Variants in IMMP2L observed in about 807,000 individuals in gnomAD.
IMMP2L encodes mitochondrial inner membrane protease subunit 2.
IMMP2L carries 18 observed loss-of-function variants against 19.3 expected under a neutral mutation model. That is an observed-to-expected ratio of 0.93 (90% CI 0.64 to 1.38). The LOEUF is 1.38. IMMP2L is among the 40% of genes most tolerant of loss of function. IMMP2L has a pLI of 0.00. For synonymous variants in IMMP2L, 76 were observed against 73.0 expected, an observed-to-expected ratio of 1.04 and a Z score of -0.21; for missense variants, 233 against 218.2, an observed-to-expected ratio of 1.07 and a Z score of -0.43.
chr7:111,554,772 C>T (rs950404678), intron 1 of IMMP2L, among the ~76,000 whole-genome samples: 9 of 152,006 alleles, frequency 5.9e-5, no homozygotes, highest in Non-Finnish European at 1.3e-4. Context: ...TGCCAGCATG[C>T]CTGACTAATT....
At chr7:111,372,162 T>C (rs1008960083) in intron 3 of IMMP2L, among the ~76,000 whole-genome samples, 1 of 151,854 alleles carries the variant, frequency 6.6e-6, no homozygotes, top group Non-Finnish European at 1.5e-5. Flanking sequence ...AAAGGACAAA[T>C]GCTTGAGGAA....
chr7:110,738,047 A>C (rs1285957523), intron 5 of IMMP2L, among the ~76,000 whole-genome samples: 1 of 152,144 alleles, frequency 6.6e-6, no homozygotes, highest in East Asian at 1.9e-4. Context: ...TGGGACAAAA[A>C]ATCTGCACAG....
At chr7:111,450,582 G>A (rs1183073347) in intron 3 of IMMP2L, among the ~76,000 whole-genome samples, 3 of 148,664 alleles carry the variant, frequency 2.0e-5, no homozygotes, top group Non-Finnish European at 3.0e-5. Flanking sequence ...AGATTTAAAC[G>A]TTAGACCTAA....
At chr7:111,514,311 C>G (rs111852948) in intron 2 of IMMP2L, among the ~76,000 whole-genome samples, 1 of 151,818 alleles carries the variant, frequency 6.6e-6, no homozygotes, top group South Asian at 2.1e-4. Context: ...CAGGTGGGAA[C>G]TGAACAATGA....
intron 5 of IMMP2L, among the ~76,000 whole-genome samples, chr7:110,779,944 G>A (rs760399562): frequency 4.0e-5 from 6 of 151,788 alleles, no homozygotes; most frequent in Non-Finnish European, 7.4e-5. Flanking sequence ...GAAAACACAC[G>A]TTGGCTATAA....
At position 111,213,077 on chromosome 7, in the gene IMMP2L, G is replaced by A. The variant is rs1811504047; in HGVS notation, c.240-249512C>T. Among the ~76,000 whole-genome samples, 1 of 152,216 alleles carries A rather than the reference G, an allele frequency of 6.6e-6. No individual in the cohort carries two copies. Among genetic ancestry groups the A allele is most frequent in the African/African-American group, 2.4e-5 (1 of 41,452 alleles). On this transcript the variant is annotated intron_variant, in intron 3 of 5. Coordinates refer to ENST00000405709, the MANE Select transcript of IMMP2L (RefSeq NM_032549.4). The surrounding 1 kb of genome is among the most constrained non-coding windows in gnomAD (Gnocchi z 4.8). ...GCACAGCTGCAGCCACCCAAGTGGC[G>A]GCTCCAAACCCAGGCATTTCTACAC...
chr7:110,790,201 C>A (rs1260991843), intron 5 of IMMP2L, among the ~76,000 whole-genome samples: 1 of 151,474 alleles, frequency 6.6e-6, no homozygotes, highest in African/African-American at 2.4e-5. Context: ...GAAACAGAAA[C>A]CAGCCTGACT....
In IMMP2L at chr7:110,941,449, G is replaced by T. The variant is rs185184388; in HGVS notation, c.305+22051C>A. On this transcript the variant is annotated intron_variant, in intron 4 of 5. Coordinates refer to ENST00000405709, the MANE Select transcript of IMMP2L (RefSeq NM_032549.4). ...ATCCTTTTGCTTTACACAAACAAAA[G>T]ACATCTCTTCAGTTATTAAGTAACG... Among the ~76,000 whole-genome samples the T allele has an allele frequency of 1.8e-3, 281 of 152,252 alleles. 2 individuals are homozygous for T. The highest frequency in any genetic ancestry group is 6.4e-3 in the African/African-American group (265 of 41,556).
intron 5 of IMMP2L, among the ~76,000 whole-genome samples, chr7:110,836,302 G>C (rs1804468610): frequency 6.6e-6 from 1 of 152,104 alleles, no homozygotes; most frequent in Non-Finnish European, 1.5e-5. Context: ...TAAATTGGGG[G>C]GGTGGTCCTC....
At chr7:111,380,720 A>G (rs1831117494) in intron 3 of IMMP2L, among the ~76,000 whole-genome samples, 2 of 151,970 alleles carry the variant, frequency 1.3e-5, no homozygotes, top group South Asian at 4.1e-4. Context: ...GAGAGAGAAA[A>G]ATTAGCCCTT....
chr7:111,241,844 C>A (rs1381612451), intron 3 of IMMP2L, among the ~76,000 whole-genome samples: 3 of 151,502 alleles, frequency 2.0e-5, no homozygotes, highest in Admixed American at 1.3e-4. Flanking sequence ...AAATACATTA[C>A]AGTGGGAAAA....
chr7:110,739,629 C>T (rs1230803709), intron 5 of IMMP2L, among the ~76,000 whole-genome samples: 1 of 152,034 alleles, frequency 6.6e-6, no homozygotes, highest in Non-Finnish European at 1.5e-5. Flanking sequence ...CTTTAATACT[C>T]CACTGACAGC....
intron 2 of IMMP2L, among the ~76,000 whole-genome samples, chr7:111,516,854 C>T (rs1243916624): frequency 1.3e-5 from 2 of 152,100 alleles, no homozygotes; most frequent in Non-Finnish European, 2.9e-5. Context: ...CTTCCTTTGA[C>T]GTCAGCCCCA....
chr7:111,242,662 A>G (rs1815238542), intron 3 of IMMP2L, among the ~76,000 whole-genome samples: 1 of 152,030 alleles, frequency 6.6e-6, no homozygotes, highest in African/African-American at 2.4e-5. Context: ...TTCATTCTGA[A>G]GGCCTCGTGC....
In IMMP2L at chr7:111,098,616, C is replaced by T. The variant is rs186789445; in HGVS notation, c.240-135051G>A. On this transcript the variant is annotated intron_variant, in intron 3 of 5. Transcript: ENST00000405709. ...ACTGGCAGATCTCATTTACAACATA[C>T]AAGCATTTTCTGTGCCAAACATTAT... is the stretch of plus-strand genomic sequence containing the variant. Among the ~76,000 whole-genome samples, 8 of 151,858 alleles carry T rather than the reference C, an allele frequency of 5.3e-5. No individual in the cohort carries two copies. In the East Asian group the frequency reaches 1.5e-3, roughly 29 times the overall value.
chr7:111,078,082 C>A (rs1237390839), intron 3 of IMMP2L, among the ~76,000 whole-genome samples: 1 of 152,190 alleles, frequency 6.6e-6, no homozygotes, highest in Admixed American at 6.5e-5. Context: ...TGTCTGGAAT[C>A]ATTATTTACT....
intron 4 of IMMP2L, among the ~76,000 whole-genome samples, chr7:110,914,129 T>G (rs564169190): frequency 2.8e-4 from 43 of 152,314 alleles, no homozygotes; most frequent in African/African-American, 9.9e-4. Context: ...CGTCCGCATC[T>G]TGGTAGCCAT....
intron 3 of IMMP2L, among the ~76,000 whole-genome samples, chr7:110,990,021 C>A (rs138751543): frequency 2.6e-5 from 4 of 151,968 alleles, no homozygotes; most frequent in Admixed American, 2.0e-4. Context: ...GAGATTTGCT[C>A]AATAAAAGCC....
intron 3 of IMMP2L, among the ~76,000 whole-genome samples, chr7:111,163,234 T>C (rs1215877701): frequency 6.6e-6 from 1 of 151,970 alleles, no homozygotes. Flanking sequence ...CCTCCTGTCA[T>C]AAAGATAGAT....
Sources: gnomAD v4.1 joint callset for allele counts (sites outside exome capture counted in the v4.1 genomes callset) on GRCh38, gnomAD v4.1.1 for gene constraint, Gnocchi (gnomAD v3.1) non-coding constraint, MANE v1.5 for transcripts, NCBI Gene and HGNC (gene_info 2026-07-23, HGNC 2026-07-21) for gene names.